The following CCP110 variants were observed in gnomAD, a reference collection of about 807,000 sequenced individuals.
CCP110 encodes the protein centriolar coiled-coil protein of 110 kDa.
A neutral mutation model predicts 105.5 loss-of-function variants in CCP110; 43 were observed. That is an observed-to-expected ratio of 0.41 (90% CI 0.32 to 0.53). The LOEUF is 0.53. Among genes scored for constraint, CCP110 ranks in the 20% least tolerant of loss-of-function variants. The pLI is 0.32. For missense variants in CCP110, 1,016 were observed against 1,189.1 expected, an observed-to-expected ratio of 0.85 and a Z score of 2.14; for synonymous variants, 353 against 392.1, an observed-to-expected ratio of 0.90 and a Z score of 1.18.
At chr16:19,529,230 T>C (rs1417738550) in intron 2 of CCP110, among the ~76,000 whole-genome samples, 2 of 152,172 alleles carry the variant, frequency 1.3e-5, no homozygotes, top group East Asian at 3.8e-4. Context: ...TATAGGATAA[T>C]AGGGAAGACA....
exon 15 of CCP110, chr16:19,552,037 G>A (rs1227407110): frequency 6.6e-6 from 1 of 152,088 alleles, no homozygotes; most frequent in Non-Finnish European, 1.5e-5. Context: ...ATAATATGTT[G>A]CATGCAGTTA....
At chr16:19,542,963 A>C in exon 8 of CCP110, 9 of 1,608,234 alleles carry the variant, frequency 5.6e-6, no homozygotes, top group Non-Finnish European at 7.7e-6. Context: ...ATGCAGACAG[A>C]TAAGCTGAAG....
chr16:19,546,533 T>A, intron 12 of CCP110, 59 bp downstream of exon 12: 47 of 950,032 alleles, frequency 4.9e-5, no homozygotes, highest in Admixed American at 6.5e-5. Flanking sequence ...AAAAAAAAAA[T>A]TGGCTGGGCA....
chr16:19,542,788 T>C, intron 7 of CCP110, 28 bp downstream of exon 7: 1 of 1,594,046 alleles, frequency 6.3e-7, no homozygotes, highest in Non-Finnish European at 8.6e-7. Context: ...TACATGTCCA[T>C]CTATCTATTT....
In CCP110 at chr16:19,542,082, C is replaced by A; in HGVS notation, c.2227+18C>A. On this transcript the variant is annotated intron_variant, in intron 6 of 14. Transcript: ENST00000381396. ...TAGTTCTGGTAAATATTTAAAAATCCTTTTACATTTGGGAAAGTGATCCTA... is the reference window on the plus strand; with the variant it reads ...TAGTTCTGGTAAATATTTAAAAATCATTTTACATTTGGGAAAGTGATCCTA... 6.6e-7 allele frequency: 1 copy of A among 1,510,348 alleles called. No individual in the cohort carries two copies. Among genetic ancestry groups the A allele is most frequent in the South Asian group, 1.3e-5 (1 of 78,354 alleles). The allele number at this position is 1,510,348 out of a possible 1,614,324, so 93.6% of individuals were successfully genotyped here.
chr16:19,540,530 A>G (rs979585270), intron 4 of CCP110, 127 bp from the exon 5 acceptor site: 3 of 754,808 alleles, frequency 4.0e-6, no homozygotes, highest in Admixed American at 2.8e-5. Context: ...ACCCAGCTAT[A>G]TCTTGATTGT....
chr16:19,549,787 T>G (rs567226177), intron 14 of CCP110, among the ~76,000 whole-genome samples: 1 of 152,248 alleles, frequency 6.6e-6, no homozygotes, highest in Non-Finnish European at 1.5e-5. Flanking sequence ...GAGGAATTAG[T>G]ATTGTTTTGC....
chr16:19,524,282 C>G lies in CCP110; in HGVS notation c.-16+194C>G, dbSNP rs553151587. Among the ~76,000 whole-genome samples, 723 of 152,248 alleles carry G rather than the reference C, an allele frequency of 4.7e-3. 6 individuals are homozygous for G. Among genetic ancestry groups the G allele is most frequent in the African/African-American group, 0.016 (653 of 41,552 alleles). On this transcript the variant is annotated intron_variant, in intron 1 of 14. Coordinates refer to ENST00000381396, the Ensembl canonical transcript of CCP110. ...GCCAGCACCGGGCGCTGAGGTGATG[C>G]TCCGATGCTGGCCCCGCCTGGAGGG...
chr16:19,524,004 GCT>G lies in CCP110; in HGVS notation c.-97_-96del, dbSNP rs1969575306. On this transcript the variant is annotated 5_prime_UTR_variant, in exon 1 of 15. The change abolishes the stop of an existing upstream ORF in the 5' untranslated region. Coordinates refer to ENST00000381396, the Ensembl canonical transcript of CCP110. ...AGAAGGCGGCGGCGGACCGAGCTGC[GCT>G]CTGTCAGTACCATTTGAGCCATTCG... 1 of 154,374 alleles carries G rather than the reference GCT, an allele frequency of 6.5e-6. No individual in the cohort carries two copies. Among genetic ancestry groups the G allele is most frequent in the African/African-American group, 2.4e-5 (1 of 41,484 alleles). The allele number at this position is 154,374 out of a possible 1,614,324, so 9.6% of individuals were successfully genotyped here.
chr16:19,543,141 G>A (rs1028157592), intron 8 of CCP110, 147 bp downstream of exon 8: 25 of 572,182 alleles, frequency 4.4e-5, no homozygotes, highest in African/African-American at 1.5e-4. Flanking sequence ...TGTTTGTTGC[G>A]GGAAGTCAGG....
exon 15 of CCP110, chr16:19,553,095 A>G (rs1271979117): frequency 2.0e-5 from 3 of 152,240 alleles, no homozygotes. Flanking sequence ...TGTGTAATGC[A>G]AATTAGTTAA....
rs547170683 is a variant in CCP110, at chr16:19,540,580, A to G, written c.1919-77A>G. The G allele has an allele frequency of 2.9e-4, 346 of 1,195,604 alleles. 6 individuals are homozygous for G. The South Asian group carries it at 4.0e-3, about 14-fold the overall frequency. The allele number at this position is 1,195,604 out of a possible 1,614,324, so 74.1% of individuals were successfully genotyped here. On this transcript the variant is annotated intron_variant, in intron 4 of 14. Coordinates refer to ENST00000381396, the Ensembl canonical transcript of CCP110. Reference sequence around the variant, plus strand: ...AGGAATACTCTCTTGTCAGAAGGATAATTTAAATTGATGGTATAAAATATC... The same window carrying G: ...AGGAATACTCTCTTGTCAGAAGGATGATTTAAATTGATGGTATAAAATATC...
rs755595634 is a variant in CCP110, at chr16:19,540,793, GA to G, written c.2049+8del. The G allele has an allele frequency of 1.2e-6, 2 of 1,611,368 alleles. No individual in the cohort carries two copies. The highest frequency in any genetic ancestry group is 1.7e-6 in the Non-Finnish European group (2 of 1,179,158). On this transcript the variant is annotated splice_region_variant and intron_variant, in intron 5 of 14. Coordinates refer to ENST00000381396, the Ensembl canonical transcript of CCP110. ...AACAAGAAAGACTGCAAAAGGTGAG[GA>G]ATGTGGAGGGAGATACAACTGGTAA... is the stretch of plus-strand genomic sequence containing the variant.
At chr16:19,538,826 C>G (rs1236194715) in intron 4 of CCP110, among the ~76,000 whole-genome samples, 1 of 151,868 alleles carries the variant, frequency 6.6e-6, no homozygotes, top group Admixed American at 6.6e-5. Context: ...AAGAACGGTT[C>G]TTTAGGCCGG....
At chr16:19,551,128 C>T in intron 14 of CCP110, 68 bp from the exon 14 acceptor site, 1 of 916,714 alleles carries the variant, frequency 1.1e-6, no homozygotes, top group South Asian at 1.3e-5. Flanking sequence ...AGAGTAAAAA[C>T]TCATTAAATG....
At chr16:19,537,044 A>T in exon 4 of CCP110, 1 of 1,614,250 alleles carries the variant, frequency 6.2e-7, no homozygotes, top group Non-Finnish European at 8.5e-7. Context: ...AGGTAAATCA[A>T]ATCAGGTATG....
At chr16:19,545,826 A>G in exon 11 of CCP110, 1 of 1,599,186 alleles carries the variant, frequency 6.3e-7, no homozygotes, top group East Asian at 2.2e-5. Context: ...GGATAAAATG[A>G]AAAGTCCACG....
At chr16:19,530,303 A>G (rs189674542) in intron 2 of CCP110, among the ~76,000 whole-genome samples, 176 of 152,270 alleles carry the variant, frequency 1.2e-3, no homozygotes, top group African/African-American at 4.2e-3. Context: ...TAATAGTGTT[A>G]TTTAACTTGT....
intron 8 of CCP110, among the ~76,000 whole-genome samples, chr16:19,543,285 C>G (rs531489330): frequency 1.3e-5 from 2 of 152,258 alleles, no homozygotes; most frequent in East Asian, 3.9e-4. Context: ...ACTTCAATTG[C>G]TGAACATAAA....
Sources: gnomAD v4.1 joint callset for allele counts (sites outside exome capture counted in the v4.1 genomes callset) on GRCh38, gnomAD v4.1.1 for gene constraint, MANE v1.5 for transcripts, NCBI Gene and HGNC (gene_info 2026-07-23, HGNC 2026-07-21) for gene names.